KLF17: variants seen among roughly 807,000 people sequenced by gnomAD.
KLF17 encodes KLF transcription factor 17.
A neutral mutation model predicts 34.2 loss-of-function variants in KLF17; 31 were observed. The ratio of observed to expected loss-of-function variants is 0.91; its 90% CI spans 0.68 to 1.22. The LOEUF is 1.22. Among genes scored for constraint, KLF17 ranks in the 50% most tolerant of loss-of-function variants. The pLI is 0.00. For synonymous variants in KLF17, 179 were observed against 186.7 expected (o/e 0.96, Z 0.34); for missense variants, 478 against 505.2 (o/e 0.95, Z 0.52).
chr1:44,118,529 G>C (rs2087904765), upstream of KLF17, among the ~76,000 whole-genome samples: 1 of 152,222 alleles, frequency 6.6e-6, no homozygotes, highest in Non-Finnish European at 1.5e-5. Context: ...TCTCTCTCCA[G>C]CCTCCTCCTG....
the KLF17 span, among the ~76,000 whole-genome samples, chr1:44,060,184 A>G: frequency 6.6e-6 from 1 of 152,026 alleles, no homozygotes; most frequent in Non-Finnish European, 1.5e-5. Flanking sequence ...AAAAACTTGG[A>G]ATAGGCTGGG....
chr1:44,128,335 G>A (rs927737443), intron 1 of KLF17, among the ~76,000 whole-genome samples: 4 of 152,076 alleles, frequency 2.6e-5, no homozygotes, highest in South Asian at 2.1e-4. Flanking sequence ...GTTGTGAGCC[G>A]CTGCGCCTGG....
At chr1:44,110,107 A>T in the KLF17 span, among the ~76,000 whole-genome samples, 9 of 152,044 alleles carry the variant, frequency 5.9e-5, no homozygotes, top group Non-Finnish European at 1.2e-4. Flanking sequence ...GGGTTTCACC[A>T]TGTTGGCCAG....
the KLF17 span, among the ~76,000 whole-genome samples, chr1:44,062,808 A>G: frequency 6.6e-6 from 1 of 152,184 alleles, no homozygotes; most frequent in Non-Finnish European, 1.5e-5. Context: ...AAACTGATAC[A>G]GCCACTTTGG....
chr1:44,067,043 A>G, the KLF17 span, among the ~76,000 whole-genome samples: 11 of 152,208 alleles, frequency 7.2e-5, no homozygotes, highest in Non-Finnish European at 1.2e-4. Context: ...TAAGTGATCG[A>G]TAACATTTAA....
the KLF17 span, among the ~76,000 whole-genome samples, chr1:44,102,514 T>C: frequency 6.8e-6 from 1 of 146,358 alleles, no homozygotes; most frequent in South Asian, 2.1e-4. Context: ...GATCCTGCCA[T>C]TGCACTCCAG....
the KLF17 span, among the ~76,000 whole-genome samples, chr1:44,066,252 A>C: frequency 6.6e-6 from 1 of 151,910 alleles, no homozygotes; most frequent in Admixed American, 6.6e-5. Flanking sequence ...CTGGGAGGTC[A>C]AGGCTGCGGT....
chr1:44,099,758 T>A, the KLF17 span, among the ~76,000 whole-genome samples: 106 of 68,524 alleles, frequency 1.5e-3, 1 homozygote, highest in African/African-American at 4.4e-3. Context: ...AGGTTGTGGT[T>A]GAGCCGAGAT....
the KLF17 span, among the ~76,000 whole-genome samples, chr1:44,080,355 C>T: frequency 6.6e-6 from 1 of 151,294 alleles, no homozygotes; most frequent in Non-Finnish European, 1.5e-5. Context: ...TCTCCAGCCT[C>T]AGCCTCCCGA....
chr1:44,082,614 GAT>G, the KLF17 span, among the ~76,000 whole-genome samples: 2 of 152,196 alleles, frequency 1.3e-5, no homozygotes, highest in Non-Finnish European at 2.9e-5. Context: ...GAACAGAAGG[GAT>G]AGTTTAAGAA....
chr1:44,096,650 T>C, the KLF17 span, among the ~76,000 whole-genome samples: 1 of 152,138 alleles, frequency 6.6e-6, no homozygotes, highest in Non-Finnish European at 1.5e-5. Context: ...TCCGCTCATC[T>C]TGGCCTCCCA....
chr1:44,069,526 C>T, the KLF17 span, among the ~76,000 whole-genome samples: 1 of 139,458 alleles, frequency 7.2e-6, no homozygotes, highest in South Asian at 2.3e-4. This position sits in a 1 kb window ranked among gnomAD's most constrained non-coding sequence, Gnocchi z 4.7. Flanking sequence ...ACAGGAGGAG[C>T]CACACTCTTT....
In KLF17 at chr1:44,127,387, A is replaced by G. The variant is rs140401400; in HGVS notation, c.82-1966A>G. 7.9e-5 allele frequency among the ~76,000 whole-genome samples: 12 copies of G among 150,974 alleles called. 1 individual carries two copies. The highest frequency in any genetic ancestry group is 2.9e-4 in the African/African-American group (12 of 41,136). On this transcript the variant is annotated intron_variant, in intron 1 of 3. Coordinates refer to ENST00000372299, the MANE Select transcript of KLF17 (RefSeq NM_173484.4). ...CCTTTCTTATCTTTCCCCATTCCCT[A>G]CTCTCTAATATAACCCCATCCTGTT... is the stretch of plus-strand genomic sequence containing the variant.
At chr1:44,131,355 C>T (rs1326242769) in intron 3 of KLF17, among the ~76,000 whole-genome samples, 3 of 152,090 alleles carry the variant, frequency 2.0e-5, no homozygotes, top group Non-Finnish European at 2.9e-5. Context: ...TATTTCTTGT[C>T]GCTCCCCAGC....
chr1:44,063,008 G>A, the KLF17 span, among the ~76,000 whole-genome samples: 1 of 152,194 alleles, frequency 6.6e-6, no homozygotes, highest in Non-Finnish European at 1.5e-5. Context: ...AGAAGAATGG[G>A]TGGATACATT....
chr1:44,076,081 T>C, the KLF17 span: 1 of 152,230 alleles, frequency 6.6e-6, no homozygotes, highest in African/African-American at 2.4e-5. Context: ...CCTTCTTTTC[T>C]CTTTCTAAGC....
the KLF17 span, among the ~76,000 whole-genome samples, chr1:44,096,247 G>A: frequency 6.6e-6 from 1 of 151,634 alleles, no homozygotes; most frequent in Non-Finnish European, 1.5e-5. Flanking sequence ...TGGCCTTGGT[G>A]GTCTTTAGGT....
the KLF17 span, chr1:44,047,816 A>G: frequency 3.3e-5 from 5 of 152,328 alleles, no homozygotes; most frequent in Admixed American, 6.5e-5. Flanking sequence ...TTAGGAGTCT[A>G]CAGACGCCAT....
chr1:44,091,472 C>G, the KLF17 span, among the ~76,000 whole-genome samples: 1 of 151,752 alleles, frequency 6.6e-6, no homozygotes, highest in South Asian at 2.1e-4. Flanking sequence ...CTTGGCCAAC[C>G]TGGTGAGACC....
Sources: allele counts gnomAD v4.1 joint callset (sites outside exome capture counted in the v4.1 genomes callset), GRCh38; gene constraint gnomAD v4.1.1; non-coding constraint Gnocchi (gnomAD v3.1); transcripts MANE v1.5; gene names NCBI Gene and HGNC (gene_info 2026-07-23, HGNC 2026-07-21).